The following FYB2 variants were observed in gnomAD, a reference collection of about 807,000 sequenced individuals.
FYB2 encodes the protein FYN binding protein 2.
In FYB2, 103 loss-of-function variants were observed where a neutral mutation model predicts 94.1. That is an observed-to-expected ratio of 1.09 (90% CI 0.93 to 1.29). FYB2 has a LOEUF of 1.29. Ranked by LOEUF, FYB2 falls within the 50% of genes most tolerant of loss-of-function variation. The pLI, the probability that FYB2 is intolerant of heterozygous loss-of-function variation, is 0.00. For missense variants in FYB2, 896 were observed against 841.5 expected (o/e 1.06, Z -0.80); for synonymous variants, 293 against 287.9 (o/e 1.02, Z -0.18).
At chr1:56,798,307 C>T (rs896870061) in intron 1 of FYB2, among the ~76,000 whole-genome samples, 3 of 152,186 alleles carry the variant, frequency 2.0e-5, no homozygotes, top group African/African-American at 7.2e-5. Context: ...TTGATTTGTA[C>T]TGGGCAAGCC....
intron 1 of FYB2, among the ~76,000 whole-genome samples, chr1:56,810,753 A>G (rs1401855930): frequency 3.3e-5 from 5 of 152,202 alleles, no homozygotes; most frequent in South Asian, 4.1e-4. Flanking sequence ...TGGAACGCAC[A>G]GCTTAATGGA....
chr1:56,822,944 C>A (rs527467971), upstream of FYB2, among the ~76,000 whole-genome samples: 1 of 152,164 alleles, frequency 6.6e-6, no homozygotes, highest in Admixed American at 6.5e-5. Flanking sequence ...TTAGATTAAT[C>A]ATTTCTGAGG....
upstream of FYB2, among the ~76,000 whole-genome samples, chr1:56,820,462 G>A (rs1459765454): frequency 6.6e-6 from 1 of 152,224 alleles, no homozygotes; most frequent in Non-Finnish European, 1.5e-5. Context: ...GGTTGGGGAT[G>A]GGCAGAGTGG....
intron 15 of FYB2, among the ~76,000 whole-genome samples, chr1:56,730,879 C>T (rs1644693432): frequency 6.6e-6 from 1 of 152,044 alleles, no homozygotes; most frequent in Non-Finnish European, 1.5e-5. Flanking sequence ...ACACAAAAAT[C>T]TTCAACAAAA....
chr1:56,751,838 T>C (rs1392974434), intron 8 of FYB2, among the ~76,000 whole-genome samples: 1 of 152,038 alleles, frequency 6.6e-6, no homozygotes, highest in East Asian at 1.9e-4. Flanking sequence ...AAATGATTAA[T>C]TAGGGTATAA....
At chr1:56,731,994 G>C (rs572445038) in intron 15 of FYB2, 18 of 152,136 alleles carry the variant, frequency 1.2e-4, no homozygotes, top group African/African-American at 3.9e-4. Context: ...GATCAATGAG[G>C]CAAGAGAAAG....
intron 7 of FYB2, 48 bp downstream of exon 7, chr1:56,755,848 A>G: frequency 6.5e-7 from 1 of 1,543,170 alleles, no homozygotes; most frequent in Non-Finnish European, 8.9e-7. Context: ...CAGTCATCAG[A>G]AAGTCAGTGC....
chr1:56,802,596 G>C (rs1446758161), intron 1 of FYB2, among the ~76,000 whole-genome samples: 1 of 152,154 alleles, frequency 6.6e-6, no homozygotes, highest in Non-Finnish European at 1.5e-5. Flanking sequence ...GGAGCAGCTA[G>C]AGTAAAAATT....
chr1:56,822,658 C>G (rs1370439649), upstream of FYB2, among the ~76,000 whole-genome samples: 1 of 151,622 alleles, frequency 6.6e-6, no homozygotes, highest in Non-Finnish European at 1.5e-5. Flanking sequence ...TGCAGTGTCT[C>G]CTATTATGTC....
intron 4 of FYB2, among the ~76,000 whole-genome samples, chr1:56,772,780 G>A (rs1180751780): frequency 6.6e-6 from 1 of 152,076 alleles, no homozygotes; most frequent in Non-Finnish European, 1.5e-5. Context: ...TACTTTAAAG[G>A]CGTATTATGG....
At chr1:56,769,913 C>T (rs1468303705) in intron 4 of FYB2, among the ~76,000 whole-genome samples, 1 of 151,832 alleles carries the variant, frequency 6.6e-6, no homozygotes, top group Non-Finnish European at 1.5e-5. Flanking sequence ...TTTTTAAAAG[C>T]AGCAGACAAG....
chr1:56,807,259 G>A (rs1646668524), intron 1 of FYB2, among the ~76,000 whole-genome samples: 1 of 152,196 alleles, frequency 6.6e-6, no homozygotes, highest in Admixed American at 6.5e-5. Flanking sequence ...ACCTCTGTGA[G>A]CCACTTTATT....
At chr1:56,733,259 G>T (rs190762602) in intron 15 of FYB2, among the ~76,000 whole-genome samples, 125 of 152,264 alleles carry the variant, frequency 8.2e-4, no homozygotes, top group African/African-American at 2.9e-3. Flanking sequence ...TTGTATTTCT[G>T]TGGGATTGGT....
At chr1:56,804,595 C>T (rs6701786) in intron 1 of FYB2, among the ~76,000 whole-genome samples, 44,393 of 151,738 alleles carry the variant, frequency 0.29, 6,560 homozygotes, top group Middle Eastern at 0.37. Context: ...CTGGGCATGA[C>T]GGTACATGCA....
chr1:56,744,930 A>C (rs576339168), intron 9 of FYB2, among the ~76,000 whole-genome samples: 1 of 152,146 alleles, frequency 6.6e-6, no homozygotes, highest in East Asian at 1.9e-4. Flanking sequence ...ATGAACTATT[A>C]ATCAGAAATA....
At position 56,749,572 on chromosome 1, in the gene FYB2, T is replaced by C. The variant is rs539488088; in HGVS notation, c.1387+1472A>G. Among the ~76,000 whole-genome samples the C allele has an allele frequency of 1.6e-4, 25 of 152,150 alleles. No homozygotes were observed. The East Asian group carries it at 4.6e-3, about 28-fold the overall frequency. On this transcript the variant is annotated intron_variant, in intron 9 of 19. Transcript: ENST00000343433. ...TTAAAATATGGCTATTCTCTATTCA[T>C]ATTATCCTCTATTTTAAAAACATAT...
At chr1:56,739,182 G>A (rs1377096954) in intron 13 of FYB2, among the ~76,000 whole-genome samples, 2 of 152,028 alleles carry the variant, frequency 1.3e-5, no homozygotes, top group Non-Finnish European at 2.9e-5. Flanking sequence ...GTAGTATGTA[G>A]CCAATGAATA....
chr1:56,763,679 C>A (rs948732737), intron 5 of FYB2, among the ~76,000 whole-genome samples: 4 of 151,940 alleles, frequency 2.6e-5, no homozygotes, highest in Non-Finnish European at 4.4e-5. Flanking sequence ...TTCAGCCTTG[C>A]TAGACGTTTA....
intron 1 of FYB2, among the ~76,000 whole-genome samples, chr1:56,799,439 C>T (rs947844387): frequency 1.4e-4 from 22 of 152,188 alleles, no homozygotes; most frequent in Middle Eastern, 3.4e-3. Context: ...AGCCAATTTG[C>T]ATTGGCTTTT....
Sources: allele counts gnomAD v4.1 joint callset (sites outside exome capture counted in the v4.1 genomes callset), GRCh38; gene constraint gnomAD v4.1.1; transcripts MANE v1.5; gene names NCBI Gene and HGNC (gene_info 2026-07-23, HGNC 2026-07-21).